TTLL12: variants seen among roughly 807,000 people sequenced by gnomAD.
TTLL12 encodes the protein tubulin--tyrosine ligase-like protein 12.
In TTLL12, 77 loss-of-function variants were observed where a neutral mutation model predicts 79.6. That is an observed-to-expected ratio of 0.97 (90% CI 0.81 to 1.17). TTLL12 has a LOEUF of 1.17. Among genes scored for constraint, TTLL12 ranks in the 50% most tolerant of loss-of-function variants. The probability of loss-of-function intolerance (pLI) is 0.00; values close to 1 mark genes in which losing one functional copy is unlikely to be tolerated. For synonymous variants in TTLL12, 437 were observed against 376.1 expected (o/e 1.16, Z -1.87); for missense variants, 969 against 895.9 (o/e 1.08, Z -1.04).
At chr22:43,174,089 C>A (rs1201596889) in intron 8 of TTLL12, 120 bp downstream of exon 8, 10 of 1,356,876 alleles carry the variant, frequency 7.4e-6, no homozygotes, top group Non-Finnish European at 1.0e-5. Flanking sequence ...GTTCGGGGCC[C>A]ACAGCTCGGC....
chr22:43,173,089 C>G (rs1014685776), intron 9 of TTLL12, among the ~76,000 whole-genome samples: 2 of 152,228 alleles, frequency 1.3e-5, no homozygotes, highest in Admixed American at 6.5e-5. Flanking sequence ...GAAGTCTCCA[C>G]GACAATCGTC....
At chr22:43,184,744 G>A (rs981043106) in intron 1 of TTLL12, among the ~76,000 whole-genome samples, 3 of 152,204 alleles carry the variant, frequency 2.0e-5, no homozygotes, top group African/African-American at 7.2e-5. Context: ...AATCCCTAGG[G>A]GACAGCGTGA....
At chr22:43,173,128 A>C (rs987825997) in intron 9 of TTLL12, among the ~76,000 whole-genome samples, 2 of 152,174 alleles carry the variant, frequency 1.3e-5, no homozygotes, top group South Asian at 4.1e-4. Context: ...CCAGCCTCTG[A>C]CTATGTACAC....
rs765002242 is a variant in TTLL12 at position 43,176,310 on chromosome 22, G to C, written c.917+10C>G. On this transcript the variant is annotated intron_variant, in intron 6 of 13. Transcript: ENST00000216129. ...AGTCCCAGCCCAAGCAGTGGGGGGG[G>C]GCTACGCACTTGAAGATGTGGCCGT... 2 of 1,579,170 alleles carry C rather than the reference G, an allele frequency of 1.3e-6. No individual in the cohort carries two copies. Among genetic ancestry groups the C allele is most frequent in the Non-Finnish European group, 1.7e-6 (2 of 1,160,486 alleles).
chr22:43,186,660 A>G (rs924821592), intron 1 of TTLL12, among the ~76,000 whole-genome samples: 21 of 152,040 alleles, frequency 1.4e-4, no homozygotes, highest in Admixed American at 1.4e-3. Context: ...AAAGTTCCCA[A>G]CGCAGCCCTC....
rs1423672150 is a variant in TTLL12 at position 43,179,711 on chromosome 22, G to C, written c.748C>G (p.Leu250Val). The C allele has an allele frequency of 6.4e-7, 1 of 1,566,794 alleles. No individual in the cohort carries two copies. Residue 250 changes from leucine to valine, a missense_variant, in exon 5 of 14, where the codon CTG becomes GTG. Leu to Val is a conservative substitution (Grantham distance 32, BLOSUM62 1). Transcript: ENST00000216129. ...RDFAYGETDP[L>V]IRKCMLLPWA... ...GGCAGCAGCATGCACTTCCGGATCAGGGGGTCCGTCTCTCCGTAGGCAAAG... is the reference window on the plus strand; with the variant it reads ...GGCAGCAGCATGCACTTCCGGATCACGGGGTCCGTCTCTCCGTAGGCAAAG...
rs1398483612 is a variant in TTLL12 at position 43,169,550 on chromosome 22, T to C, written c.1594A>G (p.Ile532Val). The C allele has an allele frequency of 6.2e-7, 1 of 1,612,142 alleles. No homozygotes were observed. The highest frequency in any genetic ancestry group is 1.3e-5 in the African/African-American group (1 of 74,880). The change falls in exon 12 of 14, where the codon ATC becomes GTC. Residue 532 changes from isoleucine (I) to valine (V), a missense_variant. Transcript: ENST00000216129. Reference protein sequence around the residue: ...VLKQVHCEEFIPEFEKQYPEF... With the variant: ...VLKQVHCEEFVPEFEKQYPEF... Reference sequence around the variant, plus strand: ...GGGTATTGCTTCTCAAACTCGGGGATGAACTCTTCACAGTGCACCTGCAAC... The same window carrying C: ...GGGTATTGCTTCTCAAACTCGGGGACGAACTCTTCACAGTGCACCTGCAAC...
At chr22:43,181,208 C>T (rs4822262) in intron 2 of TTLL12, among the ~76,000 whole-genome samples, 54,553 of 152,160 alleles carry the variant, frequency 0.36, 10,210 homozygotes, top group Admixed American at 0.41. Flanking sequence ...TACCGCCTGT[C>T]ACCTGGCTGT....
Position 43,182,988 on chromosome 22 carries a change from G to T in TTLL12, c.339C>A (p.His113Gln). The change falls in exon 2 of 14, where the codon CAC becomes CAA. Residue 113 changes from histidine (H) to glutamine (Q), a missense_variant. By Grantham distance (24) the His-to-Gln change is conservative. Coordinates refer to ENST00000216129, the MANE Select transcript of TTLL12 (RefSeq NM_015140.4). ...VTRESGLQAA[H>Q]PNSIFLIDHA... ...TCTGGCCAGGCTCCTACCTGTTGGG[G>T]TGGGCTGCCTGGAGCCCGCTCTCCC... 6.2e-7 allele frequency: 1 copy of T among 1,613,412 alleles called. No homozygotes were observed. The highest frequency in any genetic ancestry group is 8.5e-7 in the Non-Finnish European group (1 of 1,179,604).
intron 3 of TTLL12, among the ~76,000 whole-genome samples, chr22:43,180,302 G>A (rs372633840): frequency 5.9e-5 from 9 of 152,152 alleles, no homozygotes; most frequent in Non-Finnish European, 1.0e-4. Flanking sequence ...TGGGGGGGTC[G>A]GGGGAGTCGT....
chr22:43,186,286 G>A (rs910704685), intron 1 of TTLL12, among the ~76,000 whole-genome samples: 1 of 151,612 alleles, frequency 6.6e-6, no homozygotes, highest in African/African-American at 2.4e-5. Flanking sequence ...AGTGGGGAAC[G>A]CTTTGGAGTG....
In TTLL12 at chr22:43,171,882, G is replaced by A; in HGVS notation, c.1512C>T (p.Asp504=). 6.2e-7 allele frequency: 1 copy of A among 1,614,170 alleles called. No homozygotes were observed. Among genetic ancestry groups the A allele is most frequent in the Non-Finnish European group, 8.5e-7 (1 of 1,180,012 alleles). ...RFSNRAFALN[D]LDDYEKHFTV... ...TGAAGTGCTTCTCGTAGTCATCCAG[G>A]TCGTTGAGTGCAAAGGCCCTGGAAG... Residue 504 remains aspartate, a synonymous_variant, in exon 11 of 14, where the codon GAC becomes GAT. Coordinates refer to ENST00000216129, the MANE Select transcript of TTLL12 (RefSeq NM_015140.4).
chr22:43,169,009 C>A (rs1448600618), intron 12 of TTLL12, 97 bp from the exon 13 acceptor site: 2 of 1,439,222 alleles, frequency 1.4e-6, no homozygotes, highest in Non-Finnish European at 1.8e-6. Flanking sequence ...CCACGTGGCC[C>A]AAGTCACCCC....
At chr22:43,186,297 G>C (rs550403670) in intron 1 of TTLL12, among the ~76,000 whole-genome samples, 9 of 152,264 alleles carry the variant, frequency 5.9e-5, no homozygotes, top group African/African-American at 1.9e-4. Context: ...CTTTGGAGTG[G>C]AGGAGGCAGG....
intron 1 of TTLL12, among the ~76,000 whole-genome samples, 166 bp from the exon 2 acceptor site, chr22:43,183,315 C>T (rs751742234): frequency 4.6e-5 from 7 of 152,128 alleles, no homozygotes; most frequent in East Asian, 1.9e-4. Context: ...GTCTTACGGG[C>T]GGGGAGACTG....
chr22:43,172,005 G>A (rs1931779502), intron 10 of TTLL12, 105 bp from the exon 11 acceptor site: 1 of 944,518 alleles, frequency 1.1e-6, no homozygotes, highest in Non-Finnish European at 1.7e-6. Flanking sequence ...AGGGCTCAGG[G>A]CAGGACCACC....
At chr22:43,168,999 C>A in intron 12 of TTLL12, 87 bp from the exon 13 acceptor site, 3 of 1,470,266 alleles carry the variant, frequency 2.0e-6, no homozygotes, top group Non-Finnish European at 2.7e-6. Flanking sequence ...GTCCCGGGCC[C>A]CACGTGGCCC....
Position 43,179,712 on chromosome 22 carries a change from G to A in TTLL12, c.747C>T (p.Pro249=). Residue 249 remains proline, a synonymous_variant, in exon 5 of 14, where the codon CCC becomes CCT. Coordinates refer to ENST00000216129, the MANE Select transcript of TTLL12 (RefSeq NM_015140.4). The part of the protein sequence containing the change: ...TRDFAYGETD[P]LIRKCMLLPW... Reference sequence around the variant, plus strand: ...GCAGCAGCATGCACTTCCGGATCAGGGGGTCCGTCTCTCCGTAGGCAAAGT... The same window carrying A: ...GCAGCAGCATGCACTTCCGGATCAGAGGGTCCGTCTCTCCGTAGGCAAAGT... 2 of 1,566,636 alleles carry A rather than the reference G, an allele frequency of 1.3e-6. No individual in the cohort carries two copies. Among genetic ancestry groups the A allele is most frequent in the Non-Finnish European group, 1.7e-6 (2 of 1,156,270 alleles).
At position 43,167,286 on chromosome 22, in the gene TTLL12, G is replaced by A. The variant is rs1241120729; in HGVS notation, c.*722C>T. 2.1e-6 allele frequency: 1 copy of A among 474,114 alleles called. No individual in the cohort carries two copies. The highest frequency in any genetic ancestry group is 4.3e-6 in the Non-Finnish European group (1 of 232,634). 29.4% of individuals were successfully genotyped at this position (474,114 alleles called of 1,614,324 possible). The stretch of plus-strand genomic sequence containing the variant: ...CGGCGAGCAGGGCAACCACTGGGAA[G>A]ACAGATACTGATTTCCCTGTTGGGG... On this transcript the variant is annotated 3_prime_UTR_variant, in exon 14 of 14. Transcript: ENST00000216129.
Sources: allele counts gnomAD v4.1 joint callset (sites outside exome capture counted in the v4.1 genomes callset), GRCh38; gene constraint gnomAD v4.1.1; transcripts MANE v1.5; gene names NCBI Gene and HGNC (gene_info 2026-07-23, HGNC 2026-07-21).